RNF13: variants seen among roughly 807,000 people sequenced by gnomAD.
RNF13 encodes the protein ring finger protein 13.
A neutral mutation model predicts 37.7 loss-of-function variants in RNF13; 19 were observed. That is an observed-to-expected ratio of 0.50 (90% CI 0.35 to 0.74). RNF13 has a LOEUF of 0.74. Among genes scored for constraint, RNF13 ranks in the 30% least tolerant of loss-of-function variants. The probability of loss-of-function intolerance (pLI) is 0.01; values close to 1 mark genes in which losing one functional copy is unlikely to be tolerated. For missense variants in RNF13, 375 were observed against 453.0 expected, an observed-to-expected ratio of 0.83 and a Z score of 1.56; for synonymous variants, 144 against 157.8, an observed-to-expected ratio of 0.91 and a Z score of 0.65.
rs777995230 is a variant in RNF13 at position 149,828,016 on chromosome 3, C to T, written c.-17+14663C>T. Among the ~76,000 whole-genome samples the T allele has an allele frequency of 4.6e-5, 7 of 151,904 alleles. No homozygotes were observed. The South Asian group carries it at 6.2e-4, about 14-fold the overall frequency. ...AATGCTGTAACTTGATCTGGTGCTC[C>T]ACCATTAACATGGTAAGCCATGTTA... On this transcript the variant is annotated intron_variant, in intron 1 of 9. Transcript: ENST00000392894.
chr3:149,909,913 C>T (rs1426893054), intron 6 of RNF13, among the ~76,000 whole-genome samples: 3 of 149,778 alleles, frequency 2.0e-5, no homozygotes, highest in African/African-American at 7.4e-5. Flanking sequence ...CTCATCAAGG[C>T]TGAGTGTGCC....
chr3:149,831,554 A>G (rs1048095094), intron 1 of RNF13, among the ~76,000 whole-genome samples: 1 of 152,070 alleles, frequency 6.6e-6, no homozygotes, highest in African/African-American at 2.4e-5. Flanking sequence ...CTGTCCCCTC[A>G]TTGTATCTAG....
At chr3:149,960,628 C>T in intron 9 of RNF13, 112 bp from the exon 10 acceptor site, 1 of 1,004,390 alleles carries the variant, frequency 1.0e-6, no homozygotes, top group Non-Finnish European at 1.4e-6. Context: ...AATAAACTTT[C>T]TTCCCGTCCC....
chr3:149,826,848 C>T (rs1332122263), intron 1 of RNF13, among the ~76,000 whole-genome samples: 1 of 152,194 alleles, frequency 6.6e-6, no homozygotes, highest in Non-Finnish European at 1.5e-5. Context: ...CTTCTGCTTC[C>T]TGGGCTCAAA....
chr3:149,941,997 C>T (rs961251954), intron 8 of RNF13, among the ~76,000 whole-genome samples: 2 of 151,728 alleles, frequency 1.3e-5, no homozygotes, highest in African/African-American at 4.8e-5. Flanking sequence ...TCTTGGCATC[C>T]TTGTCAAAAG....
intron 7 of RNF13, among the ~76,000 whole-genome samples, chr3:149,912,921 T>C (rs1280913028): frequency 6.6e-6 from 1 of 152,128 alleles, no homozygotes; most frequent in Admixed American, 6.5e-5. Flanking sequence ...ATGTGCAATA[T>C]CAAAATATTT....
At chr3:149,884,115 G>A (rs1713738525) in intron 4 of RNF13, among the ~76,000 whole-genome samples, 1 of 151,996 alleles carries the variant, frequency 6.6e-6, no homozygotes, top group Admixed American at 6.6e-5. Flanking sequence ...TGGGCATTTG[G>A]GTCAATTCCG....
chr3:149,942,114 G>T (rs1023888978), intron 8 of RNF13, among the ~76,000 whole-genome samples: 1 of 151,890 alleles, frequency 6.6e-6, no homozygotes, highest in African/African-American at 2.4e-5. Flanking sequence ...AATTACTGTT[G>T]CTGTGTAGAA....
intron 1 of RNF13, among the ~76,000 whole-genome samples, chr3:149,824,557 G>A (rs1720291783): frequency 6.6e-6 from 1 of 152,044 alleles, no homozygotes; most frequent in Non-Finnish European, 1.5e-5. Flanking sequence ...GTTGTATAAT[G>A]TAAAACATTT....
At chr3:149,840,811 ACAACATAT>A (rs1270024604) in intron 1 of RNF13, among the ~76,000 whole-genome samples, 1 of 152,242 alleles carries the variant, frequency 6.6e-6, no homozygotes, top group Non-Finnish European at 1.5e-5. Context: ...GACTGGGAGC[ACAACATAT>A]CAACATAAAA....
intron 3 of RNF13, among the ~76,000 whole-genome samples, chr3:149,864,341 C>G (rs1035479043): frequency 1.3e-5 from 2 of 152,026 alleles, no homozygotes; most frequent in African/African-American, 4.8e-5. Flanking sequence ...TGAGTGGAAG[C>G]AGGCCATCAG....
At chr3:149,947,694 C>G (rs1720906164) in intron 8 of RNF13, among the ~76,000 whole-genome samples, 1 of 152,136 alleles carries the variant, frequency 6.6e-6, no homozygotes, top group South Asian at 2.1e-4. Flanking sequence ...GCCACCGCAC[C>G]TGGCCATCTT....
intron 8 of RNF13, among the ~76,000 whole-genome samples, chr3:149,921,614 C>T (rs926408965): frequency 6.6e-6 from 1 of 152,196 alleles, no homozygotes; most frequent in African/African-American, 2.4e-5. Context: ...ATCCATGTCC[C>T]TGCAAAGGAC....
At chr3:149,849,353 G>C (rs1294394974) in intron 2 of RNF13, among the ~76,000 whole-genome samples, 1 of 151,996 alleles carries the variant, frequency 6.6e-6, no homozygotes, top group African/African-American at 2.4e-5. Context: ...GAGAGAATTG[G>C]TTGCTGGGTA....
At chr3:149,872,520 A>C (rs1366499338) in intron 4 of RNF13, among the ~76,000 whole-genome samples, 1 of 152,230 alleles carries the variant, frequency 6.6e-6, no homozygotes, top group African/African-American at 2.4e-5. Flanking sequence ...GCCCCTGTGT[A>C]AAGTTTTTTC....
At chr3:149,921,286 T>C (rs1718097116) in intron 8 of RNF13, 59 bp downstream of exon 8, 3 of 687,614 alleles carry the variant, frequency 4.4e-6, no homozygotes, top group Non-Finnish European at 6.5e-6. Context: ...AGGGTGACTA[T>C]ACTCTTTAAA....
At chr3:149,888,651 C>A (rs1414033686) in intron 4 of RNF13, among the ~76,000 whole-genome samples, 1 of 152,220 alleles carries the variant, frequency 6.6e-6, no homozygotes, top group East Asian at 1.9e-4. Context: ...AAGTATGTAT[C>A]ATTTTACATG....
intron 6 of RNF13, among the ~76,000 whole-genome samples, chr3:149,910,140 T>G (rs1020214119): frequency 6.6e-6 from 1 of 152,102 alleles, no homozygotes; most frequent in Admixed American, 6.6e-5. Flanking sequence ...GCTCTTATAC[T>G]TAAAAGTGGT....
chr3:149,939,674 A>G, intron 8 of RNF13: 1 of 767,088 alleles, frequency 1.3e-6, no homozygotes, highest in Non-Finnish European at 2.2e-6. Flanking sequence ...CTTAAAGATA[A>G]CTGGTGCTCA....
Sources: gnomAD v4.1 joint callset for allele counts (sites outside exome capture counted in the v4.1 genomes callset) on GRCh38, gnomAD v4.1.1 for gene constraint, MANE v1.5 for transcripts, NCBI Gene and HGNC (gene_info 2026-07-23, HGNC 2026-07-21) for gene names.